The following WDR59 variants were observed in gnomAD, a reference collection of about 807,000 sequenced individuals.
The protein encoded by WDR59 is WD repeat domain 59.
A neutral mutation model predicts 131.2 loss-of-function variants in WDR59; 100 were observed. That is an observed-to-expected ratio of 0.76 (90% confidence interval 0.65 to 0.90). The LOEUF is 0.90. WDR59 is among the 40% of genes least tolerant of loss of function. The pLI is 0.00. For synonymous variants in WDR59, 601 were observed against 466.2 expected, an observed-to-expected ratio of 1.29 and a Z score of -3.72; for missense variants, 1,203 against 1,262.2, an observed-to-expected ratio of 0.95 and a Z score of 0.71.
At position 74,888,300 on chromosome 16, in the gene WDR59, G is replaced by T. The variant is rs1311192395; in HGVS notation, c.2215C>A (p.Leu739Ile). 2 of 1,613,442 alleles carry T rather than the reference G, an allele frequency of 1.2e-6. No homozygotes were observed. The highest frequency in any genetic ancestry group is 3.3e-5 in the Admixed American group (2 of 59,816). Residue 739 changes from leucine (L) to isoleucine (I), a missense_variant, in exon 22 of 26, where the codon CTC becomes ATC. Coordinates refer to ENST00000262144, the MANE Select transcript of WDR59 (RefSeq NM_030581.4). ...ATCGCCAGTGTCTGAACATCCCGGA[G>T]CCGGCAATAGTGAGCCAACCTGAGG... ...LESLLAHYCR[L>I]RDVQTLAMLC...
chr16:74,874,893 T>C (rs1242806033), intron 25 of WDR59, among the ~76,000 whole-genome samples: 2 of 145,826 alleles, frequency 1.4e-5, no homozygotes, highest in African/African-American at 5.6e-5. Context: ...GCCCAGCCTG[T>C]TTTTTTTTGT....
chr16:74,921,473 G>A (rs999280452), intron 10 of WDR59, among the ~76,000 whole-genome samples: 6 of 152,100 alleles, frequency 3.9e-5, no homozygotes, highest in Non-Finnish European at 5.9e-5. Flanking sequence ...CCACTGGACT[G>A]AGGAAATCAC....
intron 2 of WDR59, among the ~76,000 whole-genome samples, chr16:74,962,125 C>A (rs2033592998): frequency 6.6e-6 from 1 of 152,100 alleles, no homozygotes; most frequent in Non-Finnish European, 1.5e-5. Flanking sequence ...TTTCTGATAT[C>A]TCTATTCTAT....
At chr16:74,949,845 G>A (rs1435974441) in intron 4 of WDR59, 47 bp from the exon 5 acceptor site, 1 of 1,583,468 alleles carries the variant, frequency 6.3e-7, no homozygotes. Context: ...AAAAAATTCA[G>A]AGTCCAGGTC....
chr16:74,875,606 C>T (rs1597616180), intron 25 of WDR59, among the ~76,000 whole-genome samples: 1 of 152,214 alleles, frequency 6.6e-6, no homozygotes, highest in Non-Finnish European at 1.5e-5. Context: ...CAGGTCTTTG[C>T]CCTCATCCCT....
Position 74,985,008 on chromosome 16 carries a change from G to A in WDR59, c.10C>T (p.Arg4Ter). 1.3e-6 allele frequency: 2 copies of A among 1,585,916 alleles called. No individual in the cohort carries two copies. The highest frequency in any genetic ancestry group is 1.7e-6 in the Non-Finnish European group (2 of 1,166,018). ...ACAACCACGTTTTCGCTGCTCCATCGCGCCGCCATCTCCCCCGCCCGGCCG... is the reference window on the plus strand; with the variant it reads ...ACAACCACGTTTTCGCTGCTCCATCACGCCGCCATCTCCCCCGCCCGGCCG... MAA[R>*]WSSENVVVEF... is the part of the protein sequence containing the mutation. The change falls in exon 1 of 26, where the codon CGA becomes TGA. Residue 4 changes from arginine to a stop codon, truncating the protein, a stop_gained. Coordinates refer to ENST00000262144, the MANE Select transcript of WDR59 (RefSeq NM_030581.4). LOFTEE classifies it high-confidence loss of function.
intron 2 of WDR59, among the ~76,000 whole-genome samples, chr16:74,961,142 CAA>C (rs34336346): frequency 3.6e-5 from 5 of 140,434 alleles, no homozygotes; most frequent in African/African-American, 8.0e-5. Context: ...CCTGTCTCTA[CAA>C]AAAAAAAAAA....
chr16:74,953,723 C>T (rs151077953), intron 3 of WDR59, among the ~76,000 whole-genome samples: 419 of 151,278 alleles, frequency 2.8e-3, no homozygotes, highest in Non-Finnish European at 4.3e-3. Context: ...GAGGCAAGGC[C>T]GGGCGTGGTG....
chr16:74,951,668 C>A, intron 3 of WDR59, 125 bp from the exon 4 acceptor site: 1 of 806,998 alleles, frequency 1.2e-6, no homozygotes, highest in South Asian at 1.5e-5. Context: ...TCAGGCTGAA[C>A]TTTTCTTTAA....
At chr16:74,965,081 T>G (rs1005127300) in intron 2 of WDR59, among the ~76,000 whole-genome samples, 1 of 151,912 alleles carries the variant, frequency 6.6e-6, no homozygotes, top group Non-Finnish European at 1.5e-5. Context: ...AAAAAAAAAT[T>G]TTTTTTTGAG....
chr16:74,975,084 G>A (rs1318488783), intron 1 of WDR59, among the ~76,000 whole-genome samples: 2 of 152,188 alleles, frequency 1.3e-5, no homozygotes, highest in Admixed American at 6.5e-5. Flanking sequence ...AAGTCAGTCG[G>A]GCGCAGAGGC....
At chr16:74,964,612 T>C (rs1239026130) in intron 2 of WDR59, among the ~76,000 whole-genome samples, 1 of 152,120 alleles carries the variant, frequency 6.6e-6, no homozygotes, top group Non-Finnish European at 1.5e-5. Flanking sequence ...CAAAATAAAG[T>C]AATGAAGCTG....
At chr16:74,893,260 T>C (rs965078577) in intron 19 of WDR59, among the ~76,000 whole-genome samples, 3 of 152,154 alleles carry the variant, frequency 2.0e-5, no homozygotes, top group South Asian at 2.1e-4. Context: ...GGTGAGGCCT[T>C]AGAGGGAAGG....
At position 74,872,047 on chromosome 16, in the gene WDR59, C is replaced by T. The variant is rs1216366051; in HGVS notation, c.*2162G>A. ...CAACTTTCAGTAAGAAATGAATTTA[C>T]GCTATGATCCGGTATACACCTGTGC... On this transcript the variant is annotated 3_prime_UTR_variant, in exon 26 of 26. Transcript: ENST00000262144. 1.3e-5 allele frequency: 2 copies of T among 152,254 alleles called. No homozygotes were observed. Among genetic ancestry groups the T allele is most frequent in the African/African-American group, 2.4e-5 (1 of 41,466 alleles). The allele number at this position is 152,254 out of a possible 1,614,324, so 9.4% of individuals were successfully genotyped here. A position where few individuals can be genotyped will look rare whatever the true frequency, so the allele number is the denominator to read the frequency against.
At chr16:74,888,773 C>T (rs953601063) in intron 21 of WDR59, among the ~76,000 whole-genome samples, 9 of 152,190 alleles carry the variant, frequency 5.9e-5, no homozygotes, top group African/African-American at 2.2e-4. Context: ...TGGACCGCCA[C>T]AGCATGCTAG....
intron 10 of WDR59, among the ~76,000 whole-genome samples, chr16:74,921,207 G>C (rs895523751): frequency 5.9e-5 from 9 of 151,924 alleles, no homozygotes; most frequent in Non-Finnish European, 8.8e-5. Flanking sequence ...ACTAAGCCTA[G>C]TACCCAATGG....
At chr16:74,958,011 C>T (rs114458978) in intron 2 of WDR59, among the ~76,000 whole-genome samples, 2,438 of 152,180 alleles carry the variant, frequency 0.016, 54 homozygotes, top group African/African-American at 0.056. Context: ...CCTGATCCTG[C>T]GATGGCCAGC....
chr16:74,910,616 T>C (rs75087090), intron 14 of WDR59, among the ~76,000 whole-genome samples: 57 of 152,320 alleles, frequency 3.7e-4, no homozygotes, highest in African/African-American at 1.3e-3. Flanking sequence ...ACAAGAGGCA[T>C]GGATTTCACT....
intron 19 of WDR59, 104 bp downstream of exon 19, chr16:74,893,575 C>T (rs967189420): frequency 6.0e-6 from 8 of 1,339,970 alleles, no homozygotes; most frequent in Non-Finnish European, 8.1e-6. Flanking sequence ...TGGGCTTTTC[C>T]TAAAACTGCT....
Sources: gnomAD v4.1 joint callset for allele counts (sites outside exome capture counted in the v4.1 genomes callset) on GRCh38, gnomAD v4.1.1 for gene constraint, MANE v1.5 for transcripts, NCBI Gene and HGNC (gene_info 2026-07-23, HGNC 2026-07-21) for gene names.